The following CDH11 variants were observed in gnomAD, a reference collection of about 807,000 sequenced individuals.
CDH11 encodes cadherin-11.
Under a neutral mutation model 67.8 loss-of-function variants are expected in CDH11, and 11 were observed. That is an observed-to-expected ratio of 0.16 (90% CI 0.10 to 0.27). The LOEUF (loss-of-function observed/expected upper bound fraction) is 0.27, where lower values mean the gene tolerates loss of function less well. Ranked by LOEUF, CDH11 falls within the 10% of genes least tolerant of loss-of-function variation. The pLI is 1.00. For missense variants in CDH11, 847 were observed against 1,031.2 expected, an observed-to-expected ratio of 0.82 and a Z score of 2.45; for synonymous variants, 419 against 400.0, an observed-to-expected ratio of 1.05 and a Z score of -0.57.
intron 1 of CDH11, among the ~76,000 whole-genome samples, chr16:65,069,846 T>C (rs2074385069): frequency 1.3e-5 from 2 of 152,018 alleles, no homozygotes; most frequent in South Asian, 4.1e-4. Context: ...CCAACACACA[T>C]CAGTTGACCA....
At chr16:64,949,179 C>G (rs148319894) in intron 12 of CDH11, among the ~76,000 whole-genome samples, 4 of 152,182 alleles carry the variant, frequency 2.6e-5, no homozygotes, top group African/African-American at 9.7e-5. Flanking sequence ...ACTACTGGCA[C>G]CTTTTTCATG....
At chr16:64,998,539 C>T (rs776360055) in intron 4 of CDH11, 23 bp downstream of exon 4, 1 of 1,605,948 alleles carries the variant, frequency 6.2e-7, no homozygotes, top group South Asian at 1.1e-5. Flanking sequence ...GGAAGCAGAG[C>T]AGGCCTCCCA....
rs998053679 is a variant in CDH11, at chr16:64,944,298, A to G, written c.*3305T>C. 10 of 232,874 alleles carry G rather than the reference A, an allele frequency of 4.3e-5. No homozygotes were observed. Among genetic ancestry groups the G allele is most frequent in the Non-Finnish European group, 6.8e-5 (8 of 117,902 alleles). The allele number at this position is 232,874 out of a possible 1,614,324, so 14.4% of individuals were successfully genotyped here. On this transcript the variant is annotated 3_prime_UTR_variant, in exon 13 of 13. Transcript: ENST00000268603. ...TCAGTCTTCCGGGTCAGAGATGACC[A>G]TGGCCCAGACCAGGCTGATGGCAGT...
chr16:65,039,711 G>T (rs577781017), intron 2 of CDH11, among the ~76,000 whole-genome samples: 6 of 152,202 alleles, frequency 3.9e-5, no homozygotes, highest in Non-Finnish European at 5.9e-5. Flanking sequence ...TTGACAAATG[G>T]GATCTAATTA....
At chr16:64,966,894 C>A (rs1410549772) in intron 11 of CDH11, among the ~76,000 whole-genome samples, 1 of 152,110 alleles carries the variant, frequency 6.6e-6, no homozygotes, top group African/African-American at 2.4e-5. Context: ...CTTTACAAAT[C>A]AATTGCAAAC....
chr16:64,946,669 C>A lies in CDH11; in HGVS notation c.*934G>T, dbSNP rs1265298032. The A allele has an allele frequency of 1.0e-6, 1 of 972,650 alleles. No homozygotes were observed. The highest frequency in any genetic ancestry group is 5.8e-5 in the Admixed American group (1 of 17,294). 60.3% of individuals were successfully genotyped at this position (972,650 alleles called of 1,614,324 possible). ...ATAAACAATAAAAGCAGCAGACAGA[C>A]AACAACAGATCATAAATAGGGTTAT... On this transcript the variant is annotated 3_prime_UTR_variant, in exon 13 of 13. Coordinates refer to ENST00000268603, the MANE Select transcript of CDH11 (RefSeq NM_001797.4).
intron 2 of CDH11, among the ~76,000 whole-genome samples, chr16:65,045,107 T>G (rs1277310548): frequency 6.6e-6 from 1 of 151,608 alleles, no homozygotes; most frequent in Non-Finnish European, 1.5e-5. Flanking sequence ...TCCCAAAGAA[T>G]GATGTAAATG....
At chr16:65,089,561 G>A (rs2074760258) in intron 1 of CDH11, among the ~76,000 whole-genome samples, 1 of 151,818 alleles carries the variant, frequency 6.6e-6, no homozygotes, top group South Asian at 2.1e-4. Context: ...AAAAAATAAA[G>A]GATGTGTAAC....
chr16:65,077,544 G>T (rs1431735156), intron 1 of CDH11, among the ~76,000 whole-genome samples: 7 of 152,180 alleles, frequency 4.6e-5, no homozygotes, highest in Admixed American at 3.9e-4. Context: ...AAAAGAGAAA[G>T]AAGTTAACAA....
chr16:65,123,546 C>G (rs1399335147), upstream of CDH11: 1 of 152,070 alleles, frequency 6.6e-6, no homozygotes, highest in Non-Finnish European at 1.5e-5. Context: ...CAAGAGCGGC[C>G]GAGCCCTGCC....
intron 2 of CDH11, among the ~76,000 whole-genome samples, chr16:65,011,966 C>T (rs944195830): frequency 6.6e-6 from 1 of 152,088 alleles, no homozygotes; most frequent in African/African-American, 2.4e-5. Flanking sequence ...TTTGTCTGTT[C>T]CTTCACTTGG....
chr16:65,122,110 T>C, upstream of CDH11: 1 of 66,690 alleles, frequency 1.5e-5, no homozygotes, highest in East Asian at 3.4e-4. Context: ...CGGGGGGAGG[T>C]GGCGGGCGGG....
intron 2 of CDH11, among the ~76,000 whole-genome samples, chr16:65,017,153 A>G (rs2073327098): frequency 6.6e-6 from 1 of 152,112 alleles, no homozygotes; most frequent in African/African-American, 2.4e-5. Context: ...ATCTTGTGAA[A>G]TCAGTCCTGC....
chr16:64,971,730 G>T, intron 10 of CDH11, 34 bp from the exon 11 acceptor site: 2 of 1,476,160 alleles, frequency 1.4e-6, no homozygotes, highest in Non-Finnish European at 1.9e-6. Context: ...AATAAATCAT[G>T]CTGACATTGG....
chr16:65,108,846 C>T (rs1004329737), intron 1 of CDH11, among the ~76,000 whole-genome samples: 1 of 152,030 alleles, frequency 6.6e-6, no homozygotes, highest in African/African-American at 2.4e-5. Context: ...GCAGGGATTA[C>T]CACATAGAAA....
intron 2 of CDH11, among the ~76,000 whole-genome samples, chr16:65,042,952 C>T (rs539268459): frequency 6.6e-6 from 1 of 152,154 alleles, no homozygotes; most frequent in African/African-American, 2.4e-5. Flanking sequence ...CTACTGATTT[C>T]CTGGAAGCAG....
In CDH11 at chr16:64,947,750, C is replaced by G; in HGVS notation, c.2244G>C (p.Arg748Ser). 6.2e-7 allele frequency: 1 copy of G among 1,614,178 alleles called. No homozygotes were observed. The highest frequency in any genetic ancestry group is 8.5e-7 in the Non-Finnish European group (1 of 1,180,030). Reference protein sequence around the residue: ...DSIQIYGYEGRGSVAGSLSSL... With the variant: ...DSIQIYGYEGSGSVAGSLSSL... ...AGCTCAGGGACCCGGCCACTGAGCC[C>G]CTGCCTTCATAACCGTAGATTTGAA... Residue 748 changes from arginine (R) to serine (S), a missense_variant, in exon 13 of 13, where the codon AGG becomes AGC. Coordinates refer to ENST00000268603, the MANE Select transcript of CDH11 (RefSeq NM_001797.4).
At chr16:64,993,864 A>G (rs1009979064) in intron 4 of CDH11, among the ~76,000 whole-genome samples, 1 of 152,232 alleles carries the variant, frequency 6.6e-6, no homozygotes, top group African/African-American at 2.4e-5. Context: ...TCTCTGTGCC[A>G]GCATGATCTG....
intron 11 of CDH11, among the ~76,000 whole-genome samples, chr16:64,965,184 C>T (rs1468819407): frequency 3.6e-5 from 5 of 140,282 alleles, no homozygotes; most frequent in Non-Finnish European, 6.1e-5. Context: ...CATGGTGAAA[C>T]CCCATCTCTA....
Sources: gnomAD v4.1 joint callset for allele counts (sites outside exome capture counted in the v4.1 genomes callset) on GRCh38, gnomAD v4.1.1 for gene constraint, MANE v1.5 for transcripts, NCBI Gene and HGNC (gene_info 2026-07-23, HGNC 2026-07-21) for gene names.